TBC1D5: variants seen among roughly 807,000 people sequenced by gnomAD.
The protein encoded by TBC1D5 is TBC1 domain family member 5.
TBC1D5 carries 75 observed loss-of-function variants against 100.3 expected under a neutral mutation model. That is an observed-to-expected ratio of 0.75 (90% CI 0.62 to 0.91). The LOEUF is 0.91. TBC1D5 is among the 40% of genes least tolerant of loss of function. The pLI, the probability that TBC1D5 is intolerant of heterozygous loss-of-function variation, is 0.00. For missense variants in TBC1D5, 910 were observed against 942.4 expected (o/e 0.97, Z 0.45); for synonymous variants, 323 against 325.6 (o/e 0.99, Z 0.09).
intron 3 of TBC1D5, among the ~76,000 whole-genome samples, chr3:17,430,281 T>C (rs1303767243): frequency 6.6e-6 from 1 of 151,786 alleles, no homozygotes; most frequent in Non-Finnish European, 1.5e-5. Context: ...AGCTTCTTTC[T>C]CGTTAAAACT....
intron 13 of TBC1D5, among the ~76,000 whole-genome samples, chr3:17,312,963 T>C (rs1014295967): frequency 3.3e-5 from 5 of 152,184 alleles, no homozygotes; most frequent in African/African-American, 4.8e-5. Context: ...CACATACCTC[T>C]TTCAGATGTA....
At chr3:17,317,789 C>G (rs1176195431) in intron 13 of TBC1D5, among the ~76,000 whole-genome samples, 1 of 152,124 alleles carries the variant, frequency 6.6e-6, no homozygotes, top group African/African-American at 2.4e-5. Flanking sequence ...GGACTGTAAA[C>G]TAGTTCAACC....
chr3:17,310,948 A>C (rs180896050), intron 13 of TBC1D5, among the ~76,000 whole-genome samples: 60 of 152,146 alleles, frequency 3.9e-4, no homozygotes, highest in Middle Eastern at 6.8e-3. Context: ...AATTGGATTT[A>C]GTTCTTATAT....
chr3:17,636,813 A>G (rs568206288), intron 1 of TBC1D5, among the ~76,000 whole-genome samples: 97 of 151,922 alleles, frequency 6.4e-4, no homozygotes, highest in Non-Finnish European at 1.1e-3. Context: ...AAAAAAAAAG[A>G]ATATAGTAGT....
At chr3:17,277,509 T>C (rs1287697519) in intron 15 of TBC1D5, among the ~76,000 whole-genome samples, 5 of 152,218 alleles carry the variant, frequency 3.3e-5, no homozygotes, top group Non-Finnish European at 5.9e-5. Flanking sequence ...AGGCAAGACT[T>C]GGCAAACTAA....
intron 2 of TBC1D5, among the ~76,000 whole-genome samples, chr3:17,608,194 T>C (rs953583487): frequency 5.3e-5 from 8 of 152,036 alleles, no homozygotes; most frequent in African/African-American, 1.9e-4. Context: ...GAGGTAGAGG[T>C]TGTGGTGAGC....
chr3:17,623,305 T>C (rs1264546098), intron 2 of TBC1D5, among the ~76,000 whole-genome samples: 1 of 152,198 alleles, frequency 6.6e-6, no homozygotes, highest in Admixed American at 6.5e-5. Flanking sequence ...GTTTGGATAG[T>C]AAGTGTATAA....
At chr3:17,225,943 T>C (rs2074841174) in intron 17 of TBC1D5, among the ~76,000 whole-genome samples, 1 of 152,074 alleles carries the variant, frequency 6.6e-6, no homozygotes. Context: ...GTGCATAGGT[T>C]ATATGAAAAC....
intron 17 of TBC1D5, among the ~76,000 whole-genome samples, chr3:17,228,305 A>T (rs1028662042): frequency 1.4e-4 from 22 of 152,166 alleles, no homozygotes; most frequent in African/African-American, 5.3e-4. Context: ...CACTGGCCAT[A>T]GTTCTCATCT....
At chr3:17,531,842 G>A (rs1029979907) in intron 2 of TBC1D5, among the ~76,000 whole-genome samples, 1 of 152,116 alleles carries the variant, frequency 6.6e-6, no homozygotes, top group Admixed American at 6.6e-5. Flanking sequence ...ATTCAAGATG[G>A]ATTAAAGATT....
intron 1 of TBC1D5, among the ~76,000 whole-genome samples, chr3:17,670,103 G>T (rs1294670622): frequency 6.6e-6 from 1 of 152,144 alleles, no homozygotes; most frequent in Non-Finnish European, 1.5e-5. Flanking sequence ...GGCCAGGCTG[G>T]TCTTGAACTC....
intron 3 of TBC1D5, among the ~76,000 whole-genome samples, chr3:17,439,197 A>C (rs2094592318): frequency 6.6e-6 from 1 of 152,178 alleles, no homozygotes; most frequent in African/African-American, 2.4e-5. Context: ...TAAAATGTAA[A>C]GGCATCTGTT....
At chr3:17,450,877 A>G (rs1474632969) in intron 3 of TBC1D5, among the ~76,000 whole-genome samples, 2 of 152,212 alleles carry the variant, frequency 1.3e-5, no homozygotes, top group Non-Finnish European at 1.5e-5. Context: ...TTCAGGAAAT[A>G]CAGAATATAC....
intron 3 of TBC1D5, among the ~76,000 whole-genome samples, chr3:17,448,957 G>A (rs1035847946): frequency 6.6e-6 from 1 of 152,188 alleles, no homozygotes; most frequent in Admixed American, 6.5e-5. Flanking sequence ...ATGGGATCTG[G>A]CAAGATGGCC....
intron 17 of TBC1D5, among the ~76,000 whole-genome samples, chr3:17,219,087 GT>G (rs1285784550): frequency 3.7e-4 from 52 of 139,792 alleles, no homozygotes; most frequent in Non-Finnish European, 5.4e-4. Context: ...GGCTCTTTTT[GT>G]TTTTTTTTTT....
chr3:17,708,970 T>G (rs1051407069), intron 1 of TBC1D5, among the ~76,000 whole-genome samples: 2 of 152,208 alleles, frequency 1.3e-5, no homozygotes, highest in African/African-American at 4.8e-5. Context: ...AGATAAAAAC[T>G]CTAAGCTTAA....
At chr3:17,408,939 A>C (rs2093847980) in intron 4 of TBC1D5, among the ~76,000 whole-genome samples, 1 of 152,148 alleles carries the variant, frequency 6.6e-6, no homozygotes, top group Non-Finnish European at 1.5e-5. Flanking sequence ...ATTACCTAAA[A>C]TATTCTAAAT....
At chr3:17,433,194 A>G (rs2094474966) in intron 3 of TBC1D5, among the ~76,000 whole-genome samples, 1 of 152,330 alleles carries the variant, frequency 6.6e-6, no homozygotes, top group Non-Finnish European at 1.5e-5. Flanking sequence ...AGATGACACA[A>G]GGTGCCTTTC....
At chr3:17,692,496 A>C (rs2071319442) in intron 1 of TBC1D5, among the ~76,000 whole-genome samples, 1 of 152,230 alleles carries the variant, frequency 6.6e-6, no homozygotes, top group South Asian at 2.1e-4. Flanking sequence ...ACACAGAAAA[A>C]AACTATGTAA....
Sources: gnomAD v4.1 joint callset for allele counts (sites outside exome capture counted in the v4.1 genomes callset) on GRCh38, gnomAD v4.1.1 for gene constraint, MANE v1.5 for transcripts, NCBI Gene and HGNC (gene_info 2026-07-23, HGNC 2026-07-21) for gene names.